SGCZ: variants seen among roughly 807,000 people sequenced by gnomAD.
SGCZ encodes the protein zeta-sarcoglycan.
Under a neutral mutation model 41.3 loss-of-function variants are expected in SGCZ, and 40 were observed. That is an observed-to-expected ratio of 0.97 (90% CI 0.75 to 1.26). SGCZ has a LOEUF of 1.26. Among genes scored for constraint, SGCZ ranks in the 50% most tolerant of loss-of-function variants. SGCZ has a pLI of 0.00. For synonymous variants in SGCZ, 206 were observed against 137.5 expected, an observed-to-expected ratio of 1.50 and a Z score of -3.49; for missense variants, 552 against 369.8, an observed-to-expected ratio of 1.49 and a Z score of -4.04.
intron 1 of SGCZ, among the ~76,000 whole-genome samples, chr8:14,981,143 C>A (rs528503937): frequency 6.6e-6 from 1 of 152,196 alleles, no homozygotes; most frequent in Non-Finnish European, 1.5e-5. Context: ...TAGCCTTTCA[C>A]TGAAACTCCT....
chr8:14,323,672 T>A (rs1181363127), intron 3 of SGCZ, among the ~76,000 whole-genome samples: 1 of 152,132 alleles, frequency 6.6e-6, no homozygotes, highest in African/African-American at 2.4e-5. Flanking sequence ...ATTTCTACAT[T>A]AAAATTCTTT....
chr8:14,639,671 T>C (rs1255238704), intron 1 of SGCZ, among the ~76,000 whole-genome samples: 1 of 151,750 alleles, frequency 6.6e-6, no homozygotes, highest in African/African-American at 2.4e-5. Context: ...TTTAAAAGTA[T>C]GAAAGCAATC....
At position 14,091,934 on chromosome 8, in the gene SGCZ, G is replaced by T. The variant is rs180794949; in HGVS notation, c.745-1297C>A. Among the ~76,000 whole-genome samples, 48 of 152,162 alleles carry T rather than the reference G, an allele frequency of 3.2e-4. 1 individual carries two copies. In the East Asian group the frequency reaches 6.6e-3, roughly 21 times the overall value. On this transcript the variant is annotated intron_variant, in intron 7 of 7. Transcript: ENST00000382080. ...ATTGCCTAAGTAAGTTTTCTTCTAG[G>T]GTTTTTACAGTTTTAGGTTTTATGT...
At chr8:14,187,117 C>A (rs1307334482) in intron 4 of SGCZ, among the ~76,000 whole-genome samples, 3 of 152,158 alleles carry the variant, frequency 2.0e-5, no homozygotes, top group African/African-American at 7.2e-5. Context: ...ACTGTACCCT[C>A]TGAGGAACTG....
chr8:14,425,283 T>C (rs980312055), intron 2 of SGCZ, among the ~76,000 whole-genome samples: 2 of 152,146 alleles, frequency 1.3e-5, no homozygotes, highest in Non-Finnish European at 2.9e-5. Context: ...GGTGATATAA[T>C]TCCAATACCA....
intron 1 of SGCZ, among the ~76,000 whole-genome samples, chr8:14,901,633 A>G (rs1798975451): frequency 1.3e-5 from 2 of 152,034 alleles, no homozygotes; most frequent in African/African-American, 2.4e-5. Context: ...TCCTTGGTCT[A>G]TGTAAAATAT....
intron 1 of SGCZ, among the ~76,000 whole-genome samples, chr8:14,938,455 A>G (rs959906604): frequency 2.6e-5 from 4 of 152,184 alleles, no homozygotes; most frequent in African/African-American, 7.2e-5. Context: ...CTTCCACTCA[A>G]TGAATAGTAA....
chr8:15,109,859 C>T (rs1585571697), intron 1 of SGCZ, among the ~76,000 whole-genome samples: 1 of 151,874 alleles, frequency 6.6e-6, no homozygotes, highest in Admixed American at 6.6e-5. Flanking sequence ...CATTTATATG[C>T]TAAAAAAGCA....
chr8:15,003,418 C>T (rs1360603535), intron 1 of SGCZ, among the ~76,000 whole-genome samples: 1 of 152,088 alleles, frequency 6.6e-6, no homozygotes, highest in African/African-American at 2.4e-5. Context: ...GAATTGGCAA[C>T]CCTTCCCAGA....
chr8:14,508,293 A>G (rs1313463916), intron 2 of SGCZ, among the ~76,000 whole-genome samples: 1 of 152,210 alleles, frequency 6.6e-6, no homozygotes, highest in African/African-American at 2.4e-5. Context: ...TGTCTGGCAC[A>G]TATGAGGACC....
At chr8:14,573,686 T>TA (rs1051241283) in intron 1 of SGCZ, among the ~76,000 whole-genome samples, 5 of 152,146 alleles carry the variant, frequency 3.3e-5, no homozygotes, top group African/African-American at 4.8e-5. Flanking sequence ...AGCATCAGTG[T>TA]AAAAAATTCT....
intron 1 of SGCZ, among the ~76,000 whole-genome samples, chr8:14,816,388 A>G (rs1801903790): frequency 6.6e-6 from 1 of 152,192 alleles, no homozygotes; most frequent in Admixed American, 6.5e-5. Context: ...TGAGTGTGTA[A>G]TACAGGATAC....
At chr8:14,646,194 C>T (rs1189921206) in intron 1 of SGCZ, among the ~76,000 whole-genome samples, 1 of 151,594 alleles carries the variant, frequency 6.6e-6, no homozygotes, top group Non-Finnish European at 1.5e-5. Context: ...TTTCAGCTTA[C>T]TGCTCCTGAC....
intron 3 of SGCZ, among the ~76,000 whole-genome samples, chr8:14,289,520 G>A (rs985920641): frequency 2.0e-5 from 3 of 152,050 alleles, no homozygotes; most frequent in Non-Finnish European, 2.9e-5. Context: ...ATGTTGAAGA[G>A]ACTATGACTT....
chr8:14,180,462 C>G (rs1273692409), intron 4 of SGCZ, among the ~76,000 whole-genome samples: 2 of 151,940 alleles, frequency 1.3e-5, no homozygotes, highest in African/African-American at 4.8e-5. Flanking sequence ...GCTGATGGGT[C>G]TAGAAAGAAC....
At chr8:14,735,506 C>T (rs1412385622) in intron 1 of SGCZ, among the ~76,000 whole-genome samples, 2 of 152,180 alleles carry the variant, frequency 1.3e-5, no homozygotes, top group African/African-American at 4.8e-5. Context: ...CTCAGACTTA[C>T]ACTAGTGGTT....
chr8:15,113,940 C>T (rs1055830661), intron 1 of SGCZ, among the ~76,000 whole-genome samples: 3 of 152,166 alleles, frequency 2.0e-5, no homozygotes, highest in Non-Finnish European at 2.9e-5. Flanking sequence ...TTTTTCCCCA[C>T]GCATTTCTCT....
At chr8:14,131,061 C>T (rs1233213551) in intron 5 of SGCZ, among the ~76,000 whole-genome samples, 4 of 152,264 alleles carry the variant, frequency 2.6e-5, no homozygotes, top group South Asian at 2.1e-4. Flanking sequence ...CTGTTTGGAA[C>T]GCTGTCCCTC....
At chr8:14,386,173 G>C (rs1804568767) in intron 2 of SGCZ, among the ~76,000 whole-genome samples, 1 of 152,102 alleles carries the variant, frequency 6.6e-6, no homozygotes. Flanking sequence ...TCTCAGGAAA[G>C]TGAAGGGAGA....
Sources: gnomAD v4.1 joint callset for allele counts (sites outside exome capture counted in the v4.1 genomes callset) on GRCh38, gnomAD v4.1.1 for gene constraint, MANE v1.5 for transcripts, NCBI Gene and HGNC (gene_info 2026-07-23, HGNC 2026-07-21) for gene names.